The following FAT1 variants were observed in gnomAD, a reference collection of about 807,000 sequenced individuals.
The protein encoded by FAT1 is protocadherin Fat 1.
FAT1 carries 171 observed loss-of-function variants against 329.8 expected under a neutral mutation model. The ratio of observed to expected loss-of-function variants is 0.52; its 90% CI spans 0.46 to 0.59. The LOEUF (loss-of-function observed/expected upper bound fraction) is 0.59, where lower values mean the gene tolerates loss of function less well. Among genes scored for constraint, FAT1 ranks in the 20% least tolerant of loss-of-function variants. FAT1 has a pLI of 0.00. For missense variants in FAT1, 5,672 were observed against 5,774.4 expected, an observed-to-expected ratio of 0.98 and a Z score of 0.57; for synonymous variants, 2,233 against 2,228.6, an observed-to-expected ratio of 1.00 and a Z score of -0.06.
chr4:186,678,007 TGA>T (rs1743033268), intron 2 of FAT1, among the ~76,000 whole-genome samples: 1 of 152,196 alleles, frequency 6.6e-6, no homozygotes, highest in African/African-American at 2.4e-5. Flanking sequence ...TAACTTTCTC[TGA>T]GAGCAAAGTT....
intron 4 of FAT1, among the ~76,000 whole-genome samples, chr4:186,638,615 GCACA>G (rs35176185): frequency 0.18 from 25,633 of 139,890 alleles, 2,256 homozygotes; most frequent in East Asian, 0.35. Context: ...AGTTCCCAAT[GCACA>G]CACACACACA....
chr4:186,693,547 G>A lies in FAT1; in HGVS notation c.3265+13016C>T, dbSNP rs1395583926. On this transcript the variant is annotated intron_variant, in intron 2 of 26. Coordinates refer to ENST00000441802, the MANE Select transcript of FAT1 (RefSeq NM_005245.4). ...GGGCCTAGGAGCTGCTGCCTGCAGC[G>A]AACACCCAGCCACCTCCTGGGAGCA... is the stretch of plus-strand genomic sequence containing the variant. 3.5e-5 allele frequency among the ~76,000 whole-genome samples: 5 copies of A among 142,454 alleles called. 1 individual carries two copies. The highest frequency in any genetic ancestry group is 5.1e-4 in the South Asian group (2 of 3,928). The allele number at this position is 142,454 out of a possible 152,430, so 93.5% of individuals were successfully genotyped here.
chr4:186,703,751 C>G (rs976151209), intron 2 of FAT1, among the ~76,000 whole-genome samples: 19 of 152,374 alleles, frequency 1.2e-4, no homozygotes, highest in African/African-American at 3.8e-4. Flanking sequence ...GCACACCAAG[C>G]TGTAGTGCAG....
intron 2 of FAT1, among the ~76,000 whole-genome samples, chr4:186,696,212 T>C (rs1480764519): frequency 6.6e-6 from 1 of 152,214 alleles, no homozygotes; most frequent in Non-Finnish European, 1.5e-5. Flanking sequence ...TAAAACCACA[T>C]ATGGATATTA....
intron 7 of FAT1, among the ~76,000 whole-genome samples, chr4:186,629,031 C>T (rs190886598): frequency 3.9e-5 from 6 of 152,226 alleles, no homozygotes; most frequent in African/African-American, 1.4e-4. Flanking sequence ...TCACACTTGC[C>T]ACGTCTTTAC....
At chr4:186,597,610 G>T in intron 24 of FAT1, 72 bp downstream of exon 24, 1 of 997,934 alleles carries the variant, frequency 1.0e-6, no homozygotes, top group Non-Finnish European at 1.6e-6. Flanking sequence ...ATCACTGAAG[G>T]TCTGTTGCAT....
chr4:186,598,843 T>C (rs996668497), intron 22 of FAT1: 5 of 152,346 alleles, frequency 3.3e-5, no homozygotes, highest in Non-Finnish European at 5.9e-5. Flanking sequence ...ACGAAGAATG[T>C]CGACTCCACT....
chr4:186,649,460 T>C (rs1373137841), intron 3 of FAT1, among the ~76,000 whole-genome samples: 2 of 152,146 alleles, frequency 1.3e-5, no homozygotes, highest in Non-Finnish European at 1.5e-5. Context: ...GAAGATGTAA[T>C]TAAGAACCTC....
Position 186,633,839 on chromosome 4 carries a change from A to C in FAT1, c.4184-16T>G. On this transcript the variant is annotated splice_polypyrimidine_tract_variant and intron_variant, in intron 6 of 26. Coordinates refer to ENST00000441802, the MANE Select transcript of FAT1 (RefSeq NM_005245.4). ...TAGTTGCCACCTAATTTGGGGAAAAAAAAGTAAAAACAGGTCACAGGATAA... is the reference window on the plus strand; with the variant it reads ...TAGTTGCCACCTAATTTGGGGAAAACAAAGTAAAAACAGGTCACAGGATAA... The C allele has an allele frequency of 1.2e-6, 2 of 1,613,938 alleles. No individual in the cohort carries two copies. Among genetic ancestry groups the C allele is most frequent in the South Asian group, 1.1e-5 (1 of 91,080 alleles).
intron 2 of FAT1, among the ~76,000 whole-genome samples, chr4:186,698,611 C>G (rs1744146350): frequency 6.6e-6 from 1 of 152,184 alleles, no homozygotes; most frequent in Non-Finnish European, 1.5e-5. Flanking sequence ...TGCCCAAAGG[C>G]AGGGAGACAG....
intron 20 of FAT1, among the ~76,000 whole-genome samples, chr4:186,602,548 C>A (rs1016523996): frequency 6.6e-5 from 10 of 152,280 alleles, no homozygotes; most frequent in African/African-American, 2.4e-4. Flanking sequence ...GAAAGGTGCT[C>A]TTTACCATAC....
chr4:186,693,216 C>T (rs1396530732), intron 2 of FAT1, among the ~76,000 whole-genome samples: 1 of 152,208 alleles, frequency 6.6e-6, no homozygotes, highest in East Asian at 1.9e-4. Context: ...ACAATTTTCA[C>T]AAGCCTTTAT....
chr4:186,674,474 G>A (rs1742857573), intron 2 of FAT1, among the ~76,000 whole-genome samples: 1 of 152,164 alleles, frequency 6.6e-6, no homozygotes, highest in South Asian at 2.1e-4. Context: ...TGATTCAACA[G>A]CCAGGTCTGA....
At chr4:186,662,426 T>C (rs1430520588) in intron 3 of FAT1, among the ~76,000 whole-genome samples, 1 of 152,148 alleles carries the variant, frequency 6.6e-6, no homozygotes, top group Non-Finnish European at 1.5e-5. Flanking sequence ...GGAGCTATCT[T>C]CTTGGAAGCA....
intron 14 of FAT1, 27 bp from the exon 15 acceptor site, chr4:186,610,042 G>A (rs367977287): frequency 2.3e-5 from 33 of 1,450,952 alleles, no homozygotes; most frequent in Non-Finnish European, 3.2e-5. Context: ...ATTACTTCCA[G>A]CATTCTGCAA....
intron 2 of FAT1, among the ~76,000 whole-genome samples, chr4:186,696,518 C>A (rs1199984461): frequency 6.6e-6 from 1 of 152,154 alleles, no homozygotes; most frequent in African/African-American, 2.4e-5. Context: ...TCGGTACCAG[C>A]CCTGTGCCAA....
intron 26 of FAT1, among the ~76,000 whole-genome samples, chr4:186,591,088 CAGTT>C (rs894562749): frequency 2.1e-4 from 32 of 152,226 alleles, no homozygotes; most frequent in African/African-American, 7.0e-4. Context: ...ATCCCACTAT[CAGTT>C]AGGGCCATGA....
intron 14 of FAT1, among the ~76,000 whole-genome samples, chr4:186,610,687 TATATAATTTATATAA>T (rs1739393888): frequency 1.6e-5 from 1 of 63,882 alleles, no homozygotes; most frequent in Admixed American, 1.6e-4. Flanking sequence ...AAATATAAAT[TATATAATTTATATAA>T]ATATAAATTT....
At chr4:186,642,880 G>A (rs1305783929) in intron 3 of FAT1, among the ~76,000 whole-genome samples, 1 of 152,178 alleles carries the variant, frequency 6.6e-6, no homozygotes, top group Non-Finnish European at 1.5e-5. Flanking sequence ...GAGAAGCTTC[G>A]TGTCCCAGAA....
Sources: allele counts gnomAD v4.1 joint callset (sites outside exome capture counted in the v4.1 genomes callset), GRCh38; gene constraint gnomAD v4.1.1; transcripts MANE v1.5; gene names NCBI Gene and HGNC (gene_info 2026-07-23, HGNC 2026-07-21).